The following NPRL3 variants were observed in gnomAD, a reference collection of about 807,000 sequenced individuals.
NPRL3 encodes the protein NPR3 like, GATOR1 complex subunit.
In NPRL3, 23 loss-of-function variants were observed where a neutral mutation model predicts 57.2. The ratio of observed to expected loss-of-function variants is 0.40; its 90% confidence interval spans 0.29 to 0.57. NPRL3 has a LOEUF of 0.57. Among genes scored for constraint, NPRL3 ranks in the 20% least tolerant of loss-of-function variants. NPRL3 has a pLI of 0.42. For synonymous variants in NPRL3, 333 were observed against 321.1 expected (o/e 1.04, Z -0.39); for missense variants, 691 against 767.1 (o/e 0.90, Z 1.17).
chr16:117,354 G>C lies in NPRL3; in HGVS notation c.340C>G (p.Pro114Ala). The C allele has an allele frequency of 1.2e-6, 2 of 1,610,876 alleles. No homozygotes were observed. Among genetic ancestry groups the C allele is most frequent in the East Asian group, 4.5e-5 (2 of 44,870 alleles). Residue 114 changes from proline (P) to alanine (A), a missense_variant, in exon 5 of 14, where the codon CCG becomes GCG. Coordinates refer to ENST00000611875, the MANE Select transcript of NPRL3 (RefSeq NM_001077350.3). ...ATCATAGTAGGTGCTTCCCTCTTCG[G>C]GGAAGGATCTGTTTTGGAGATCTGT... is the stretch of plus-strand genomic sequence containing the variant. ...LGQISKTDPS[P>A]KREAPTMILF...
chr16:97,380 G>GACT (rs1376251354), intron 9 of NPRL3, among the ~76,000 whole-genome samples: 1 of 149,410 alleles, frequency 6.7e-6, no homozygotes. Context: ...AAGTAGCTGG[G>GACT]ACTACAGGTG....
intron 2 of NPRL3, among the ~76,000 whole-genome samples, chr16:134,741 G>A (rs545724726): frequency 3.8e-4 from 46 of 120,240 alleles, no homozygotes; most frequent in Non-Finnish European, 6.7e-4. Context: ...TCGCTCTGTC[G>A]CCCAGGCTGG....
At chr16:130,474 C>T (rs1301804909) in intron 3 of NPRL3, 48 bp downstream of exon 3, 3 of 1,524,142 alleles carry the variant, frequency 2.0e-6, no homozygotes, top group African/African-American at 2.8e-5. Context: ...TTTGCCCAGG[C>T]CTGGGACCAG....
chr16:126,443 A>AT (rs1264696252), intron 3 of NPRL3: 48 of 146,582 alleles, frequency 3.3e-4, no homozygotes, highest in African/African-American at 5.0e-4. Context: ...AATAATAATA[A>AT]TAATTAATAA....
chr16:104,106 A>T (rs1899427873), intron 7 of NPRL3, among the ~76,000 whole-genome samples: 1 of 150,008 alleles, frequency 6.7e-6, no homozygotes, highest in African/African-American at 2.5e-5. Flanking sequence ...AGCCTGGGCA[A>T]CAAAAGTGAA....
At chr16:105,009 G>A (rs538821981) in intron 7 of NPRL3, among the ~76,000 whole-genome samples, 9 of 152,306 alleles carry the variant, frequency 5.9e-5, no homozygotes, top group African/African-American at 1.7e-4. Context: ...GTTTCCTGCC[G>A]AGCTTGCACT....
At chr16:113,137 G>A (rs1899889809) in intron 5 of NPRL3, among the ~76,000 whole-genome samples, 1 of 152,196 alleles carries the variant, frequency 6.6e-6, no homozygotes, top group Non-Finnish European at 1.5e-5. Context: ...AAATTAGCGA[G>A]CCATGTAACA....
chr16:108,674 T>TTA (rs1899640745), intron 7 of NPRL3, among the ~76,000 whole-genome samples: 1 of 150,004 alleles, frequency 6.7e-6, no homozygotes, highest in Admixed American at 6.6e-5. Flanking sequence ...TTTTTTAATT[T>TTA]TTATTATTAT....
rs751307143 is a variant in NPRL3 at position 92,607 on chromosome 16, C to T, written c.1150G>A (p.Ala384Thr). 37 of 1,613,118 alleles carry T rather than the reference C, an allele frequency of 2.3e-5. No homozygotes were observed. Among genetic ancestry groups the T allele is most frequent in the Non-Finnish European group, 2.5e-5 (29 of 1,179,638 alleles). ...LSEFRNPLAPAVQETQLIQMV... is the reference protein window; with the variant it reads ...LSEFRNPLAPTVQETQLIQMV... ...CTTCTGTGACTCACCTCCTGCACAG[C>T]GGGGGCCAGGGGATTCCTAAATTCT... The change falls in exon 11 of 14, where the codon GCT becomes ACT. Residue 384 changes from alanine (A) to threonine (T), a missense_variant. By Grantham distance (58) the Ala-to-Thr change is moderately conservative (BLOSUM62 0). Coordinates refer to ENST00000611875, the MANE Select transcript of NPRL3 (RefSeq NM_001077350.3).
intron 2 of NPRL3, 70 bp downstream of exon 2, chr16:138,080 C>T (rs1901195227): frequency 8.3e-7 from 1 of 1,211,178 alleles, no homozygotes; most frequent in Non-Finnish European, 1.2e-6. Context: ...GCGAGGCGGC[C>T]CTGGAATGAG....
rs766908016 is a variant in NPRL3 at position 98,219 on chromosome 16, G to A, written c.850C>T (p.Arg284Trp). The stretch of plus-strand genomic sequence containing the variant: ...ACAGCAGATGTGGTCTTGATCACCC[G>A]CACTAGGGCAGGGGAGCAGTCAATA... ...LPIDCSPALV[R>W]VIKTTSAVKN... The change falls in exon 9 of 14, where the codon CGG becomes TGG. Residue 284 changes from arginine to tryptophan, a missense_variant. By Grantham distance (101) the Arg-to-Trp change is moderately radical. Coordinates refer to ENST00000611875, the MANE Select transcript of NPRL3 (RefSeq NM_001077350.3). The A allele has an allele frequency of 9.9e-6, 16 of 1,613,824 alleles. No homozygotes were observed. Among genetic ancestry groups the A allele is most frequent in the African/African-American group, 2.7e-5 (2 of 74,914 alleles).
chr16:136,210 C>T (rs1165992052), intron 2 of NPRL3, among the ~76,000 whole-genome samples: 3 of 152,198 alleles, frequency 2.0e-5, no homozygotes, highest in Non-Finnish European at 2.9e-5. Flanking sequence ...ATTTTGCGTC[C>T]ATCAACCAAA....
At chr16:89,277 A>C in intron 12 of NPRL3, 1 of 267,956 alleles carries the variant, frequency 3.7e-6, no homozygotes, top group Non-Finnish European at 7.1e-6. Flanking sequence ...GGGACTTTCA[A>C]AGTCTTCCAC....
intron 2 of NPRL3, among the ~76,000 whole-genome samples, chr16:135,006 A>C (rs1901003146): frequency 6.6e-6 from 1 of 152,176 alleles, no homozygotes; most frequent in South Asian, 2.1e-4. Context: ...CGGCCAAGTC[A>C]CAGTAATTAT....
intron 3 of NPRL3, among the ~76,000 whole-genome samples, chr16:128,722 C>T (rs1475389673): frequency 1.3e-5 from 2 of 152,036 alleles, no homozygotes; most frequent in Non-Finnish European, 2.9e-5. Flanking sequence ...GAGCTGAGAT[C>T]GCGCCACTGC....
chr16:136,514 C>A (rs900622576), intron 2 of NPRL3, among the ~76,000 whole-genome samples: 1 of 148,834 alleles, frequency 6.7e-6, no homozygotes, highest in African/African-American at 2.4e-5. Flanking sequence ...ATGGTGAAAC[C>A]CCATCTCTAC....
intron 6 of NPRL3, 25 bp downstream of exon 6, chr16:112,597 G>T (rs1899863796): frequency 1.3e-6 from 2 of 1,519,356 alleles, no homozygotes; most frequent in East Asian, 4.8e-5. Flanking sequence ...CCAGACCCAT[G>T]CCCATCACGC....
chr16:123,448 CAAG>C (rs1900365210), intron 3 of NPRL3: 3 of 469,882 alleles, frequency 6.4e-6, no homozygotes, highest in South Asian at 4.6e-5. Flanking sequence ...AGCACAATTA[CAAG>C]AAGAGAAGGC....
chr16:134,460 CAT>C (rs1900959476), intron 2 of NPRL3, among the ~76,000 whole-genome samples: 2 of 152,050 alleles, frequency 1.3e-5, no homozygotes, highest in Admixed American at 6.6e-5. Flanking sequence ...GAATTGAAGA[CAT>C]ATCATTTTCC....
Sources: gnomAD v4.1 joint callset for allele counts (sites outside exome capture counted in the v4.1 genomes callset) on GRCh38, gnomAD v4.1.1 for gene constraint, MANE v1.5 for transcripts, NCBI Gene and HGNC (gene_info 2026-07-23, HGNC 2026-07-21) for gene names.